PTPRU: variants seen among roughly 807,000 people sequenced by gnomAD.
The protein encoded by PTPRU is protein tyrosine phosphatase receptor type U.
PTPRU carries 69 observed loss-of-function variants against 166.3 expected under a neutral mutation model. The observed-to-expected ratio is 0.41, with a 90% CI of 0.34 to 0.51. The LOEUF (loss-of-function observed/expected upper bound fraction) is 0.51. Ranked by LOEUF, PTPRU falls within the 20% of genes least tolerant of loss-of-function variation. The pLI is 0.09. For synonymous variants in PTPRU, 793 were observed against 814.0 expected (o/e 0.97, Z 0.44); for missense variants, 1,657 against 2,013.7 (o/e 0.82, Z 3.39).
At chr1:29,325,557 G>C (rs750051713) in intron 29 of PTPRU, 42 bp from the exon 30 acceptor site, 11 of 1,574,414 alleles carry the variant, frequency 7.0e-6, no homozygotes, top group Non-Finnish European at 8.7e-6. Flanking sequence ...TACTGGAGTT[G>C]GGGTCAGGCT....
At chr1:29,304,905 G>C (rs1687316730) in intron 17 of PTPRU, 56 bp downstream of exon 17, 1 of 1,492,634 alleles carries the variant, frequency 6.7e-7, no homozygotes, top group Non-Finnish European at 9.2e-7. Context: ...GGCATCAGGA[G>C]GGGGAACACA....
chr1:29,272,843 G>A (rs935049541), intron 7 of PTPRU, among the ~76,000 whole-genome samples: 1 of 147,638 alleles, frequency 6.8e-6, no homozygotes, highest in Non-Finnish European at 1.5e-5. Flanking sequence ...GGAGATCAAG[G>A]CTGCAGTGAG....
intron 26 of PTPRU, 66 bp from the exon 27 acceptor site, chr1:29,323,305 G>A: frequency 6.4e-7 from 1 of 1,561,330 alleles, no homozygotes; most frequent in Non-Finnish European, 8.7e-7. Context: ...CTTGGGGTGG[G>A]CATGGCTGTG....
chr1:29,286,381 A>G (rs996466515), intron 14 of PTPRU, among the ~76,000 whole-genome samples: 1 of 152,188 alleles, frequency 6.6e-6, no homozygotes, highest in Non-Finnish European at 1.5e-5. Flanking sequence ...GCGTCAGAGA[A>G]CATTTCCTTC....
rs755529253 is a variant in PTPRU at position 29,283,958 on chromosome 1, A to G, written c.2161A>G (p.Ile721Val). ...HLKGETRLNC[I>V]RIARKAACKE... ...CCTCCAGGAGACCCGGCTGAATTGC[A>G]TCCGCATTGCCAGGAAAGGTAAGTC... Residue 721 changes from isoleucine (I) to valine (V), a missense_variant, in exon 13 of 30, where the codon ATC becomes GTC. This residue lies in a region of PTPRU where 1,190 missense variants were observed against 1,477.4 expected (regional missense o/e 0.81). Coordinates refer to ENST00000373779, the MANE Select transcript of PTPRU (RefSeq NM_133178.4). 6.2e-7 allele frequency: 1 copy of G among 1,613,886 alleles called. No homozygotes were observed. Among genetic ancestry groups the G allele is most frequent in the South Asian group, 1.1e-5 (1 of 91,066 alleles).
Position 29,320,891 on chromosome 1 carries a change from T to C in PTPRU, c.3828+66T>C. ...CAGGTCCTCTGTGTATTCAGGGCCA[T>C]GGTCCCCAAAGCCAAAAGTTGGGTC... On this transcript the variant is annotated intron_variant, in intron 26 of 29. Transcript: ENST00000373779. The surrounding 1 kb of genome is among the most constrained non-coding windows in gnomAD (Gnocchi z 5.2). The C allele has an allele frequency of 7.0e-7, 1 of 1,429,144 alleles. No individual in the cohort carries two copies. The highest frequency in any genetic ancestry group is 2.5e-5 in the Admixed American group (1 of 40,112). 88.5% of individuals were successfully genotyped at this position (1,429,144 alleles called of 1,614,324 possible).
rs377643230 is a variant in PTPRU, at chr1:29,255,318, C to T, written c.117C>T (p.Cys39=). ...FEEASDPAVP[C]EYSQAQYDDF... ...AGGCAAGTGACCCAGCAGTGCCCTG[C>T]GAGTACAGCCAGGCCCAGTACGATG... is the stretch of plus-strand genomic sequence containing the variant. The change falls in exon 2 of 30, where the codon TGC becomes TGT. Residue 39 remains cysteine, a synonymous_variant. Transcript: ENST00000373779. The T allele has an allele frequency of 3.7e-5, 59 of 1,613,868 alleles. No individual in the cohort carries two copies. The highest frequency in any genetic ancestry group is 3.2e-4 in the Admixed American group (19 of 59,990).
In PTPRU at chr1:29,279,919, G is replaced by T; in HGVS notation, c.1766-120G>T. 3.6e-6 allele frequency: 4 copies of T among 1,123,028 alleles called. No homozygotes were observed. The highest frequency in any genetic ancestry group is 1.5e-5 in the South Asian group (1 of 65,660). The allele number at this position is 1,123,028 out of a possible 1,614,324, so 69.6% of individuals were successfully genotyped here. Reference sequence around the variant, plus strand: ...AGGGTAGCTCAGGTCATGTCAGCAGGAACAAAGAGGCTAAGGCTGAAGTAG... The same window carrying T: ...AGGGTAGCTCAGGTCATGTCAGCAGTAACAAAGAGGCTAAGGCTGAAGTAG... On this transcript the variant is annotated intron_variant, in intron 10 of 29. Coordinates refer to ENST00000373779, the MANE Select transcript of PTPRU (RefSeq NM_133178.4). This position sits in a 1 kb window ranked among gnomAD's most constrained non-coding sequence, Gnocchi z 5.2.
In PTPRU at chr1:29,268,202, G is replaced by A. The variant is rs539248071; in HGVS notation, c.1145-7246G>A. 5.9e-5 allele frequency among the ~76,000 whole-genome samples: 9 copies of A among 152,334 alleles called. No homozygotes were observed. The South Asian group carries it at 1.9e-3, about 32-fold the overall frequency. On this transcript the variant is annotated intron_variant, in intron 7 of 29. Transcript: ENST00000373779. ...TTCATCAGCAGATGGATACATGAGTGTGGAGTTCAGGGAAGGGGTTCGGGC... is the reference window on the plus strand; with the variant it reads ...TTCATCAGCAGATGGATACATGAGTATGGAGTTCAGGGAAGGGGTTCGGGC...
At chr1:29,325,569 A>C in intron 29 of PTPRU, 30 bp from the exon 30 acceptor site, 1 of 1,592,560 alleles carries the variant, frequency 6.3e-7, no homozygotes, top group Non-Finnish European at 8.6e-7. Flanking sequence ...GGTCAGGCTC[A>C]TGATTCCCTC....
chr1:29,315,911 C>T lies in PTPRU; in HGVS notation c.3364-91C>T. On this transcript the variant is annotated intron_variant, in intron 23 of 29. Transcript: ENST00000373779. The surrounding 1 kb of genome is among the most constrained non-coding windows in gnomAD (Gnocchi z 4.5). ...TGGTTGGCCTCCACCTCAGGACACC[C>T]TGCTTCAACCTTGAGCTTGCTTAAG... 6.7e-7 allele frequency: 1 copy of T among 1,486,094 alleles called. No homozygotes were observed. The highest frequency in any genetic ancestry group is 9.1e-7 in the Non-Finnish European group (1 of 1,094,580). 92.1% of individuals were successfully genotyped at this position (1,486,094 alleles called of 1,614,324 possible).
intron 1 of PTPRU, among the ~76,000 whole-genome samples, chr1:29,247,611 C>G (rs1684357629): frequency 6.6e-6 from 1 of 150,998 alleles, no homozygotes; most frequent in African/African-American, 2.5e-5. Context: ...TCTGTGAACT[C>G]TTTGCACCAC....
At chr1:29,310,879 A>G in intron 19 of PTPRU, 99 bp downstream of exon 19, 1 of 1,390,528 alleles carries the variant, frequency 7.2e-7, no homozygotes, top group Non-Finnish European at 1.0e-6. Context: ...GATCCGCTTG[A>G]TTCCTGAATG....
intron 15 of PTPRU, among the ~76,000 whole-genome samples, chr1:29,295,413 G>T (rs1009382180): frequency 3.7e-4 from 57 of 152,104 alleles, no homozygotes; most frequent in Admixed American, 1.2e-3. Flanking sequence ...GGATGGTTTT[G>T]TATTGAATTT....
chr1:29,268,038 A>G (rs1685381274), intron 7 of PTPRU, among the ~76,000 whole-genome samples: 1 of 152,210 alleles, frequency 6.6e-6, no homozygotes, highest in South Asian at 2.1e-4. Flanking sequence ...GTGTTTTGCT[A>G]GAGCAGCAGG....
At chr1:29,319,267 C>G (rs1442057415) in intron 25 of PTPRU, among the ~76,000 whole-genome samples, 1 of 152,216 alleles carries the variant, frequency 6.6e-6, no homozygotes, top group Non-Finnish European at 1.5e-5. Context: ...GCCCAGCCCC[C>G]TCCTTGGCCT....
At chr1:29,245,331 C>A (rs1269256510) in intron 1 of PTPRU, among the ~76,000 whole-genome samples, 1 of 152,138 alleles carries the variant, frequency 6.6e-6, no homozygotes, top group East Asian at 1.9e-4. Context: ...GGGAGACAAG[C>A]CAGATGAGAT....
chr1:29,270,865 A>C (rs962823680), intron 7 of PTPRU, among the ~76,000 whole-genome samples: 4 of 152,178 alleles, frequency 2.6e-5, no homozygotes, highest in Non-Finnish European at 4.4e-5. Flanking sequence ...GCTACTCAGG[A>C]AGGTGAGGTG....
rs767213601 is a variant in PTPRU, at chr1:29,284,751, C to T, written c.2200C>T (p.Arg734Trp). ...CCCAGCTGCCTGCAAGGAAAGCAAG[C>T]GGCCCCTGGAGGTGTCCCAGAGATC... ...ARKAACKESKRPLEVSQRSEE... is the reference protein window; with the variant it reads ...ARKAACKESKWPLEVSQRSEE... Residue 734 changes from arginine (R) to tryptophan (W), a missense_variant, in exon 14 of 30, where the codon CGG becomes TGG. Arg to Trp is a moderately radical substitution (Grantham distance 101). This residue lies in a region of PTPRU where 1,190 missense variants were observed against 1,477.4 expected (regional missense o/e 0.81). Transcript: ENST00000373779. 1.6e-5 allele frequency: 26 copies of T among 1,613,966 alleles called. No individual in the cohort carries two copies. The highest frequency in any genetic ancestry group is 8.8e-5 in the South Asian group (8 of 91,090).
Sources: gnomAD v4.1 joint callset for allele counts (sites outside exome capture counted in the v4.1 genomes callset) on GRCh38, gnomAD v4.1.1 for gene constraint, gnomAD v4.1.1 regional missense constraint, Gnocchi (gnomAD v3.1) non-coding constraint, MANE v1.5 for transcripts, NCBI Gene and HGNC (gene_info 2026-07-23, HGNC 2026-07-21) for gene names.